Variants in FKBP5 observed in about 807,000 individuals in gnomAD.
The protein encoded by FKBP5 is FKBP prolyl isomerase 5, also known as peptidyl-prolyl cis-trans isomerase FKBP5.
FKBP5 carries 23 observed loss-of-function variants against 50.5 expected under a neutral mutation model. The observed-to-expected ratio is 0.46, with a 90% CI of 0.33 to 0.65. The LOEUF (loss-of-function observed/expected upper bound fraction) is 0.65, where lower values mean the gene tolerates loss of function less well. FKBP5 is among the 30% of genes least tolerant of loss of function. The probability of loss-of-function intolerance (pLI) is 0.02; values close to 1 mark genes in which losing one functional copy is unlikely to be tolerated. For synonymous variants in FKBP5, 176 were observed against 190.6 expected (o/e 0.92, Z 0.63); for missense variants, 411 against 553.1 (o/e 0.74, Z 2.58).
rs114287508 is a variant in FKBP5 at position 35,611,768 on chromosome 6, T to G, written c.508+7328A>C. ...GCGTAGGGGGACAGATTCTAAAAAC[T>G]GATTTGTAACCATTAGGATCCTCAT... On this transcript the variant is annotated intron_variant, in intron 5 of 10. Coordinates refer to ENST00000357266, the MANE Select transcript of FKBP5 (RefSeq NM_004117.4). Among the ~76,000 whole-genome samples, 824 of 152,310 alleles carry G rather than the reference T, an allele frequency of 5.4e-3. 2 individuals carry two copies. The highest frequency in any genetic ancestry group is 0.014 in the South Asian group (66 of 4,824).
At chr6:35,697,705 T>C (rs1766109143) in intron 2 of FKBP5, among the ~76,000 whole-genome samples, 1 of 152,230 alleles carries the variant, frequency 6.6e-6, no homozygotes, top group African/African-American at 2.4e-5. Flanking sequence ...TAACAATACA[T>C]AGATTTCTTA....
intron 2 of FKBP5, among the ~76,000 whole-genome samples, chr6:35,697,878 G>A (rs1561900653): frequency 2.0e-5 from 3 of 152,242 alleles, no homozygotes; most frequent in South Asian, 2.1e-4. Flanking sequence ...TGAACTGTAT[G>A]GTATGTGAAT....
rs1171465430 is a variant in FKBP5, at chr6:35,671,511, G to A, written c.-20+17293C>T. On this transcript the variant is annotated intron_variant, in intron 1 of 10. Coordinates refer to ENST00000357266, the MANE Select transcript of FKBP5 (RefSeq NM_004117.4). ...AGACACAAATAAAATGAAAATAAAG[G>A]GAAGGAACAAGGTAGCCAAATAGTA... Among the ~76,000 whole-genome samples the A allele has an allele frequency of 2.0e-5, 3 of 151,878 alleles. No individual in the cohort carries two copies. In the Middle Eastern group the frequency reaches 0.01, roughly 517 times the overall value.
At chr6:35,640,574 CTT>C (rs1764456768) in intron 2 of FKBP5, among the ~76,000 whole-genome samples, 1 of 152,034 alleles carries the variant, frequency 6.6e-6, no homozygotes, top group Admixed American at 6.5e-5. Flanking sequence ...TAAAATTTTT[CTT>C]CTTTCTTTAA....
intron 1 of FKBP5, among the ~76,000 whole-genome samples, chr6:35,670,478 G>A (rs1765354158): frequency 6.6e-6 from 1 of 151,724 alleles, no homozygotes; most frequent in South Asian, 2.1e-4. Flanking sequence ...TCATGCCTGT[G>A]ATCCTAACAC....
At chr6:35,669,478 T>C (rs1765325909) in intron 1 of FKBP5, among the ~76,000 whole-genome samples, 1 of 152,202 alleles carries the variant, frequency 6.6e-6, no homozygotes, top group Non-Finnish European at 1.5e-5. Context: ...CAAAAGAGCA[T>C]GGTTTTCAGT....
At chr6:35,685,600 T>C (rs1019289144) in intron 1 of FKBP5, among the ~76,000 whole-genome samples, 4 of 152,242 alleles carry the variant, frequency 2.6e-5, no homozygotes, top group Non-Finnish European at 4.4e-5. Flanking sequence ...ATATAGATTA[T>C]TCTTTAGGAA....
chr6:35,584,708 A>G, intron 8 of FKBP5: 3 of 985,466 alleles, frequency 3.0e-6, no homozygotes, highest in Non-Finnish European at 3.6e-6. Context: ...ATTCTGGGAG[A>G]AAAGTCTCAG....
At chr6:35,665,679 A>G (rs13192954) in intron 1 of FKBP5, among the ~76,000 whole-genome samples, 4,009 of 152,230 alleles carry the variant, frequency 0.026, 88 homozygotes, top group Non-Finnish European at 0.041. Flanking sequence ...AATACACACT[A>G]TGGGTCTGTA....
At chr6:35,669,639 CA>C (rs1765329510) in intron 1 of FKBP5, among the ~76,000 whole-genome samples, 1 of 152,138 alleles carries the variant, frequency 6.6e-6, no homozygotes, top group African/African-American at 2.4e-5. Context: ...CAACAGTGGA[CA>C]TGAACTTAAT....
At chr6:35,595,047 G>A (rs1307224802) in intron 6 of FKBP5, among the ~76,000 whole-genome samples, 1 of 152,108 alleles carries the variant, frequency 6.6e-6, no homozygotes, top group African/African-American at 2.4e-5. Context: ...ATATGTGCAG[G>A]ATTTTATTTA....
At chr6:35,616,563 T>C (rs1763667945) in intron 5 of FKBP5, among the ~76,000 whole-genome samples, 1 of 152,114 alleles carries the variant, frequency 6.6e-6, no homozygotes, top group Admixed American at 6.6e-5. Context: ...GCAACTTTTC[T>C]GTAATTCTAA....
chr6:35,727,011 G>A (rs556584231), intron 1 of FKBP5, among the ~76,000 whole-genome samples: 30 of 152,300 alleles, frequency 2.0e-4, no homozygotes, highest in African/African-American at 7.0e-4. Flanking sequence ...TGTGCTGGGC[G>A]TTCAGAGGAG....
At chr6:35,608,465 C>T (rs909304186) in intron 5 of FKBP5, among the ~76,000 whole-genome samples, 1 of 152,158 alleles carries the variant, frequency 6.6e-6, no homozygotes, top group African/African-American at 2.4e-5. Context: ...GAGGCTGAAG[C>T]AGGCTGATCG....
At position 35,610,591 on chromosome 6, in the gene FKBP5, A is replaced by AG. The variant is rs1561856979; in HGVS notation, c.508+8504dup. On this transcript the variant is annotated intron_variant, in intron 5 of 10. Transcript: ENST00000357266. The stretch of plus-strand genomic sequence containing the variant: ...TCAAAAAAAAAAAAAAAAAAAAAAA[A>AG]GTTTCAAAAAATACATTCATTTTCC... Among the ~76,000 whole-genome samples, 110 of 148,080 alleles carry AG rather than the reference A, an allele frequency of 7.4e-4. 1 individual carries two copies. The highest frequency in any genetic ancestry group is 2.6e-3 in the South Asian group (12 of 4,668).
intron 1 of FKBP5, among the ~76,000 whole-genome samples, chr6:35,647,127 G>T (rs1018217326): frequency 2.0e-5 from 3 of 152,116 alleles, no homozygotes; most frequent in Non-Finnish European, 4.4e-5. Context: ...AATTACTGAA[G>T]AAAACAAAGC....
chr6:35,721,657 T>G (rs1042746799), intron 1 of FKBP5, among the ~76,000 whole-genome samples: 1 of 152,212 alleles, frequency 6.6e-6, no homozygotes, highest in Non-Finnish European at 1.5e-5. Context: ...TTTCTCCATG[T>G]TGGTCAGGCT....
intron 1 of FKBP5, among the ~76,000 whole-genome samples, chr6:35,727,064 T>C (rs1766728279): frequency 6.6e-6 from 1 of 152,168 alleles, no homozygotes; most frequent in Non-Finnish European, 1.5e-5. Context: ...GGAAGCTTTA[T>C]GAGCTGGAGC....
chr6:35,586,593 CCTGT>C (rs752277700), intron 8 of FKBP5: 237 of 988,244 alleles, frequency 2.4e-4, no homozygotes, highest in Non-Finnish European at 2.7e-4. Flanking sequence ...AAAGGGAGAC[CCTGT>C]CTCTCATACA....
Sources: gnomAD v4.1 joint callset for allele counts (sites outside exome capture counted in the v4.1 genomes callset) on GRCh38, gnomAD v4.1.1 for gene constraint, MANE v1.5 for transcripts, NCBI Gene and HGNC (gene_info 2026-07-23, HGNC 2026-07-21) for gene names.